The following ASB18 variants were observed in gnomAD, a reference collection of about 807,000 sequenced individuals.
ASB18 encodes ankyrin repeat and SOCS box protein 18.
ASB18 carries 33 observed loss-of-function variants against 33.4 expected under a neutral mutation model. That is an observed-to-expected ratio of 0.99 (90% CI 0.75 to 1.32). The LOEUF is 1.32. Among genes scored for constraint, ASB18 ranks in the 40% most tolerant of loss-of-function variants. The pLI is 0.00. For missense variants in ASB18, 694 were observed against 655.5 expected (o/e 1.06, Z -0.64); for synonymous variants, 295 against 307.6 (o/e 0.96, Z 0.43).
Position 236,251,173 on chromosome 2 carries a change from G to T in ASB18, c.206-9771C>A, listed in dbSNP as rs972571830. 5.3e-5 allele frequency among the ~76,000 whole-genome samples: 8 copies of T among 152,198 alleles called. No individual in the cohort carries two copies. The highest frequency in any genetic ancestry group is 1.3e-4 in the Admixed American group (2 of 15,282). ...AGGTCAAGTGCCGCTTTCATTGGCA[G>T]CCCAGGAGGGCTTTTTTGGAAGCTC... On this transcript the variant is annotated intron_variant, in intron 1 of 5. Coordinates refer to ENST00000409749, the MANE Select transcript of ASB18 (RefSeq NM_212556.4). The surrounding 1 kb of genome is among the most constrained non-coding windows in gnomAD (Gnocchi z 5.3).
intron 4 of ASB18, among the ~76,000 whole-genome samples, chr2:236,198,614 C>T (rs1007123488): frequency 6.6e-6 from 1 of 152,216 alleles, no homozygotes; most frequent in Non-Finnish European, 1.5e-5. Flanking sequence ...GATCCGCCCA[C>T]CTCAGCCTCC....
rs1225390520 is a variant in ASB18, at chr2:236,237,097, G to C, written c.596+592C>G. 3.9e-5 allele frequency among the ~76,000 whole-genome samples: 6 copies of C among 152,004 alleles called. No individual in the cohort carries two copies. The highest frequency in any genetic ancestry group is 7.4e-5 in the Non-Finnish European group (5 of 68,008). On this transcript the variant is annotated intron_variant, in intron 3 of 5. Coordinates refer to ENST00000409749, the MANE Select transcript of ASB18 (RefSeq NM_212556.4). The surrounding 1 kb of genome is among the most constrained non-coding windows in gnomAD (Gnocchi z 6.2). ...CGGCCGCTGGGCCTCCCTAGAGGCC[G>C]GCACAGCTCCGCTTCCGAGCGGGCC...
chr2:236,211,873 G>C lies in ASB18; in HGVS notation c.1101+2489C>G, dbSNP rs2060460208. Among the ~76,000 whole-genome samples, 1 of 152,138 alleles carries C rather than the reference G, an allele frequency of 6.6e-6. No homozygotes were observed. The highest frequency in any genetic ancestry group is 6.5e-5 in the Admixed American group (1 of 15,284). ...CATCCTCTCCTGGCCAGGTGTAGGG[G>C]TACCCACTGGAGGTGTGGGGGAATC... On this transcript the variant is annotated intron_variant, in intron 4 of 5. Coordinates refer to ENST00000409749, the MANE Select transcript of ASB18 (RefSeq NM_212556.4). The surrounding 1 kb of genome is among the most constrained non-coding windows in gnomAD (Gnocchi z 5.0).
Position 236,194,575 on chromosome 2 carries a change from C to T in ASB18, c.*297G>A, listed in dbSNP as rs566868405. On this transcript the variant is annotated 3_prime_UTR_variant, in exon 6 of 6. Transcript: ENST00000409749. The surrounding 1 kb of genome is among the most constrained non-coding windows in gnomAD (Gnocchi z 4.5). ...ATCGAAGACCTTAAGTGAGGACTCACTGTACCTTTTGGCTTAACTGTTGTT... is the reference window on the plus strand; with the variant it reads ...ATCGAAGACCTTAAGTGAGGACTCATTGTACCTTTTGGCTTAACTGTTGTT... Among the ~76,000 whole-genome samples the T allele has an allele frequency of 6.6e-6, 1 of 152,384 alleles. No homozygotes were observed. Among genetic ancestry groups the T allele is most frequent in the Admixed American group, 6.5e-5 (1 of 15,308 alleles).
rs1042205026 is a variant in ASB18, at chr2:236,262,704, C to T, written c.205+1437G>A. On this transcript the variant is annotated intron_variant, in intron 1 of 5. Transcript: ENST00000409749. This position sits in a 1 kb window ranked among gnomAD's most constrained non-coding sequence, Gnocchi z 5.2. ...GATGACAACCTCCCCTAAACCCCCC[C>T]CAGGGCAATCTTCTAGAGAGATGGA... 6.6e-6 allele frequency among the ~76,000 whole-genome samples: 1 copy of T among 152,140 alleles called. No homozygotes were observed. The highest frequency in any genetic ancestry group is 1.9e-4 in the East Asian group (1 of 5,170).
chr2:236,194,836 A>G lies in ASB18; in HGVS notation c.*36T>C. ...ACACGGCCTCCATGGAAGGTCAGCG[A>G]GGAGAACAACAGTATTGGTTGCAGC... On this transcript the variant is annotated 3_prime_UTR_variant, in exon 6 of 6. Transcript: ENST00000409749. The surrounding 1 kb of genome is among the most constrained non-coding windows in gnomAD (Gnocchi z 4.5). 6.3e-7 allele frequency: 1 copy of G among 1,575,154 alleles called. No homozygotes were observed. The highest frequency in any genetic ancestry group is 8.7e-7 in the Non-Finnish European group (1 of 1,154,484).
At chr2:236,232,640 A>T (rs1187775201) in intron 3 of ASB18, among the ~76,000 whole-genome samples, 7 of 152,130 alleles carry the variant, frequency 4.6e-5, no homozygotes. Context: ...TAAAAGGACA[A>T]TAAGGAACAA....
Position 236,194,855 on chromosome 2 carries a change from T to C in ASB18, c.*17A>G. 6.2e-7 allele frequency: 1 copy of C among 1,606,878 alleles called. No individual in the cohort carries two copies. Among genetic ancestry groups the C allele is most frequent in the South Asian group, 1.1e-5 (1 of 89,510 alleles). ...TCAGCGAGGAGAACAACAGTATTGG[T>C]TGCAGCGTTCTGCGTTTCAGTGCAA... On this transcript the variant is annotated 3_prime_UTR_variant, in exon 6 of 6. Transcript: ENST00000409749. This position sits in a 1 kb window ranked among gnomAD's most constrained non-coding sequence, Gnocchi z 4.5.
At position 236,228,350 on chromosome 2, in the gene ASB18, C is replaced by CTCTG. The variant is rs72506510; in HGVS notation, c.596+9338_596+9339insCAGA. ...GGGGACCCCAGCAGAGCCTGGTGAGCTGAGTGGAGGAGACGGCACTGGAAG... is the reference window on the plus strand; with the variant it reads ...GGGGACCCCAGCAGAGCCTGGTGAGCTCTGTGAGTGGAGGAGACGGCACTGGAAG... On this transcript the variant is annotated intron_variant, in intron 3 of 5. Transcript: ENST00000409749. The surrounding 1 kb of genome is among the most constrained non-coding windows in gnomAD (Gnocchi z 5.1). Among the ~76,000 whole-genome samples, 3 of 48,756 alleles carry CTCTG rather than the reference C, an allele frequency of 6.2e-5. No homozygotes were observed. Among genetic ancestry groups the CTCTG allele is most frequent in the Non-Finnish European group, 1.0e-4 (3 of 30,068 alleles). The allele number at this position is 48,756 out of a possible 152,430, so 32.0% of individuals were successfully genotyped here.
Position 236,262,388 on chromosome 2 carries a change from G to A in ASB18, c.205+1753C>T, listed in dbSNP as rs1179402013. ...ACAGCGGATGGCCATTCCTAACCCT[G>A]TACCTGATAGGGCTGGAGGAGGGGC... On this transcript the variant is annotated intron_variant, in intron 1 of 5. Transcript: ENST00000409749. This position sits in a 1 kb window ranked among gnomAD's most constrained non-coding sequence, Gnocchi z 5.2. Among the ~76,000 whole-genome samples, 1 of 152,226 alleles carries A rather than the reference G, an allele frequency of 6.6e-6. No individual in the cohort carries two copies. Among genetic ancestry groups the A allele is most frequent in the African/African-American group, 2.4e-5 (1 of 41,466 alleles).
At chr2:236,207,410 A>G (rs1293207201) in intron 4 of ASB18, among the ~76,000 whole-genome samples, 1 of 152,060 alleles carries the variant, frequency 6.6e-6, no homozygotes, top group Non-Finnish European at 1.5e-5. Context: ...GTCTTCTTGT[A>G]CTCCATAGAG....
Position 236,223,113 on chromosome 2 carries a change from T to C in ASB18, c.597-8247A>G, listed in dbSNP as rs752360106. Reference sequence around the variant, plus strand: ...TTGCCTTCTGCCATGAGTAAAAAGCTTCCTGAGGCCTCCCCAGAAGCAGAT... The same window carrying C: ...TTGCCTTCTGCCATGAGTAAAAAGCCTCCTGAGGCCTCCCCAGAAGCAGAT... On this transcript the variant is annotated intron_variant, in intron 3 of 5. Transcript: ENST00000409749. This position sits in a 1 kb window ranked among gnomAD's most constrained non-coding sequence, Gnocchi z 4.6. 2.6e-5 allele frequency among the ~76,000 whole-genome samples: 4 copies of C among 152,232 alleles called. No homozygotes were observed. Among genetic ancestry groups the C allele is most frequent in the Non-Finnish European group, 5.9e-5 (4 of 68,036 alleles).
rs545139642 is a variant in ASB18, at chr2:236,209,821, C to A, written c.1101+4541G>T. 1.5e-4 allele frequency among the ~76,000 whole-genome samples: 23 copies of A among 152,358 alleles called. No individual in the cohort carries two copies. In the South Asian group the frequency reaches 4.8e-3, roughly 32 times the overall value. On this transcript the variant is annotated intron_variant, in intron 4 of 5. Transcript: ENST00000409749. The surrounding 1 kb of genome is among the most constrained non-coding windows in gnomAD (Gnocchi z 4.4). ...CTGGCTGCCTAGTCTCAACTGGTGC[C>A]CCCTAGCTGTTTCCTCTCCAACGAC...
chr2:236,195,050 T>C lies in ASB18; in HGVS notation c.1223A>G (p.Lys408Arg). 3 of 1,609,560 alleles carry C rather than the reference T, an allele frequency of 1.9e-6. No homozygotes were observed. The highest frequency in any genetic ancestry group is 8.5e-7 in the Non-Finnish European group (1 of 1,177,194). ...GGCAAAGAGGGACTGGTAGAACGGC[T>C]TGTGCATCTGGAAGGGAAGGCAGGT... The part of the protein sequence containing the change: ...VIPEEVFQMH[K>R]PFYQSLFALA... Residue 408 changes from lysine to arginine, a missense_variant, in exon 6 of 6, where the codon AAG (lysine) becomes AGG (arginine). Lys to Arg is a conservative substitution (Grantham distance 26, BLOSUM62 2). Transcript: ENST00000409749. The surrounding 1 kb of genome is among the most constrained non-coding windows in gnomAD (Gnocchi z 5.5).
rs2060479063 is a variant in ASB18 at position 236,214,826 on chromosome 2, G to A, written c.637C>T (p.Arg213Cys). The change falls in exon 4 of 6, where the codon CGC (arginine) becomes TGC (cysteine). Residue 213 changes from arginine (R) to cysteine (C), a missense_variant. Physicochemically the swap from Arg to Cys is radical, Grantham distance 180. Transcript: ENST00000409749. This position sits in a 1 kb window ranked among gnomAD's most constrained non-coding sequence, Gnocchi z 6.5. Reference protein sequence around the residue: ...ALLEHGASVQRVGGTGRDTPL... With the variant: ...ALLEHGASVQCVGGTGRDTPL... ...GTGTCCCGGCCCGTGCCGCCCACGC[G>A]CTGCACCGAGGCCCCGTGCTCCAGC... 8.2e-7 allele frequency: 1 copy of A among 1,213,422 alleles called. No homozygotes were observed. Among genetic ancestry groups the A allele is most frequent in the Non-Finnish European group, 1.0e-6 (1 of 975,896 alleles). 75.2% of individuals were successfully genotyped at this position (1,213,422 alleles called of 1,614,324 possible). A position where few individuals can be genotyped will look rare whatever the true frequency, so the allele number is the denominator to read the frequency against.
In ASB18 at chr2:236,264,335, G is replaced by T; in HGVS notation, c.11C>A (p.Ser4Ter). ...GAGTGGGTAGTCGGGAAGGTAATCCGAGTTGGACATTGTTACGTCGTTTCT... is the reference window on the plus strand; with the variant it reads ...GAGTGGGTAGTCGGGAAGGTAATCCTAGTTGGACATTGTTACGTCGTTTCT... MSN[S>*]DYLPDYPLNS... The change falls in exon 1 of 6, where the codon TCG becomes TAG. Residue 4 changes from serine to a stop codon, truncating the protein, a stop_gained. Transcript: ENST00000409749. LOFTEE classifies it high-confidence loss of function. The surrounding 1 kb of genome is among the most constrained non-coding windows in gnomAD (Gnocchi z 5.1). The T allele has an allele frequency of 6.2e-7, 1 of 1,613,894 alleles. No individual in the cohort carries two copies. The highest frequency in any genetic ancestry group is 8.5e-7 in the Non-Finnish European group (1 of 1,179,830).
Position 236,259,649 on chromosome 2 carries a change from G to A in ASB18, c.205+4492C>T, listed in dbSNP as rs1400764130. 2 of 466,308 alleles carry A rather than the reference G, an allele frequency of 4.3e-6. No individual in the cohort carries two copies. Among genetic ancestry groups the A allele is most frequent in the Non-Finnish European group, 8.9e-6 (2 of 224,264 alleles). 28.9% of individuals were successfully genotyped at this position (466,308 alleles called of 1,614,324 possible). On this transcript the variant is annotated intron_variant, in intron 1 of 5. Transcript: ENST00000409749. The surrounding 1 kb of genome is among the most constrained non-coding windows in gnomAD (Gnocchi z 4.4). Reference sequence around the variant, plus strand: ...GCTGGGAGGATCCTGTTGGGATGGGGATGCTGACTGTAGAGCGTGGGGGGC... The same window carrying A: ...GCTGGGAGGATCCTGTTGGGATGGGAATGCTGACTGTAGAGCGTGGGGGGC...
Position 236,225,533 on chromosome 2 carries a change from G to A in ASB18, c.597-10667C>T, listed in dbSNP as rs2060532960. Among the ~76,000 whole-genome samples, 3 of 152,176 alleles carry A rather than the reference G, an allele frequency of 2.0e-5. No homozygotes were observed. Among genetic ancestry groups the A allele is most frequent in the Admixed American group, 2.0e-4 (3 of 15,280 alleles). ...TCTCACTTTTGTTTAAATCGAGACA[G>A]CTATAGACAAGAAAAAGAATAGGGC... On this transcript the variant is annotated intron_variant, in intron 3 of 5. Transcript: ENST00000409749. This position sits in a 1 kb window ranked among gnomAD's most constrained non-coding sequence, Gnocchi z 5.1.
At position 236,215,299 on chromosome 2, in the gene ASB18, C is replaced by T. The variant is rs766375591; in HGVS notation, c.597-433G>A. Among the ~76,000 whole-genome samples, 3 of 152,112 alleles carry T rather than the reference C, an allele frequency of 2.0e-5. No homozygotes were observed. The highest frequency in any genetic ancestry group is 6.5e-5 in the Admixed American group (1 of 15,274). On this transcript the variant is annotated intron_variant, in intron 3 of 5. Coordinates refer to ENST00000409749, the MANE Select transcript of ASB18 (RefSeq NM_212556.4). The surrounding 1 kb of genome is among the most constrained non-coding windows in gnomAD (Gnocchi z 7.2). ...CTTTCCCGGCCCCCATCTAGCCCTT[C>T]TGGAAACCGCTCAGCTTTGTGAGGG...
Sources: gnomAD v4.1 joint callset for allele counts (sites outside exome capture counted in the v4.1 genomes callset) on GRCh38, gnomAD v4.1.1 for gene constraint, Gnocchi (gnomAD v3.1) non-coding constraint, MANE v1.5 for transcripts, NCBI Gene and HGNC (gene_info 2026-07-23, HGNC 2026-07-21) for gene names.